Variants in MMP20 observed in about 807,000 individuals in gnomAD.
MMP20 encodes the protein matrix metalloproteinase-20.
MMP20 carries 50 observed loss-of-function variants against 51.8 expected under a neutral mutation model. That is an observed-to-expected ratio of 0.97 (90% confidence interval 0.77 to 1.22). MMP20 has a LOEUF of 1.22. MMP20 is among the 50% of genes most tolerant of loss of function. The pLI is 0.00. For missense variants in MMP20, 663 were observed against 601.4 expected, an observed-to-expected ratio of 1.10 and a Z score of -1.07; for synonymous variants, 244 against 216.2, an observed-to-expected ratio of 1.13 and a Z score of -1.13.
intron 5 of MMP20, among the ~76,000 whole-genome samples, chr11:102,608,643 C>T (rs572131382): frequency 6.6e-6 from 1 of 152,130 alleles, no homozygotes; most frequent in Non-Finnish European, 1.5e-5. Flanking sequence ...TATATCCATC[C>T]TCTCCCAATG....
At chr11:102,606,226 G>C (rs1337806935) in intron 6 of MMP20, among the ~76,000 whole-genome samples, 6 of 152,248 alleles carry the variant, frequency 3.9e-5, no homozygotes, top group Admixed American at 6.5e-5. Context: ...CTTGCTTGCT[G>C]TCTTTGAGCT....
At chr11:102,591,836 A>G (rs1859320860) in intron 8 of MMP20, among the ~76,000 whole-genome samples, 1 of 152,154 alleles carries the variant, frequency 6.6e-6, no homozygotes, top group Non-Finnish European at 1.5e-5. Flanking sequence ...CTCTGCCCAC[A>G]TCTCTTAACT....
chr11:102,602,548 A>G (rs1169585099), intron 6 of MMP20, among the ~76,000 whole-genome samples: 1 of 152,188 alleles, frequency 6.6e-6, no homozygotes, highest in Non-Finnish European at 1.5e-5. Context: ...ATGTTCATTC[A>G]GGTTAAATTT....
Position 102,619,542 on chromosome 11 carries a change from A to G in MMP20, c.127-2483T>C, listed in dbSNP as rs1489172974. Among the ~76,000 whole-genome samples, 3 of 150,914 alleles carry G rather than the reference A, an allele frequency of 2.0e-5. No homozygotes were observed. The Admixed American group carries it at 2.0e-4, about 10-fold the overall frequency. ...GGTTACCAAAAACTCCGTAATCAAG[A>G]TAAATCATAATTTAATGCAGAATTA... On this transcript the variant is annotated intron_variant, in intron 1 of 9. Coordinates refer to ENST00000260228, the MANE Select transcript of MMP20 (RefSeq NM_004771.4).
At chr11:102,606,435 A>T in intron 6 of MMP20, 100 bp downstream of exon 6, 1 of 1,486,258 alleles carries the variant, frequency 6.7e-7, no homozygotes, top group Non-Finnish European at 9.3e-7. Flanking sequence ...GCATTTCTGC[A>T]TGATCTTCAT....
chr11:102,617,014 C>T lies in MMP20; in HGVS notation c.172G>A (p.Gly58Ser), dbSNP rs553644151. The change falls in exon 2 of 10, where the codon GGT (glycine) becomes AGT (serine). Residue 58 changes from glycine to serine, a missense_variant. Transcript: ENST00000260228. ...TTGCTTCCTCTTGCAACCATCTCAC[C>T]AATCTGGTGTCCTTCTTTATTTGTG... ...YYTNKEGHQI[G>S]EMVARGSNSM... 1 of 1,614,150 alleles carries T rather than the reference C, an allele frequency of 6.2e-7. No homozygotes were observed. Among genetic ancestry groups the T allele is most frequent in the South Asian group, 1.1e-5 (1 of 91,084 alleles).
chr11:102,592,664 C>T (rs763273679), intron 8 of MMP20, among the ~76,000 whole-genome samples: 1 of 152,210 alleles, frequency 6.6e-6, no homozygotes, highest in Non-Finnish European at 1.5e-5. Context: ...AGCATTGTCA[C>T]CTGCTTAGAA....
At chr11:102,621,406 T>C (rs1859749418) in intron 1 of MMP20, among the ~76,000 whole-genome samples, 1 of 152,236 alleles carries the variant, frequency 6.6e-6, no homozygotes, top group African/African-American at 2.4e-5. Context: ...TCCTAGGTTC[T>C]AGTCCAGGCT....
intron 2 of MMP20, among the ~76,000 whole-genome samples, chr11:102,615,806 T>G (rs959007542): frequency 6.6e-6 from 1 of 152,238 alleles, no homozygotes; most frequent in African/African-American, 2.4e-5. Context: ...TCCTTACATG[T>G]GCAAGGCCTG....
intron 1 of MMP20, among the ~76,000 whole-genome samples, chr11:102,624,979 A>G (rs1027702585): frequency 6.6e-6 from 1 of 152,198 alleles, no homozygotes. Context: ...AGGTAGATAT[A>G]TCCTCATGTA....
At chr11:102,588,706 C>T (rs1388851054) in intron 8 of MMP20, among the ~76,000 whole-genome samples, 1 of 151,622 alleles carries the variant, frequency 6.6e-6, no homozygotes, top group Non-Finnish European at 1.5e-5. Flanking sequence ...TTTGTGGGGG[C>T]TTGAATTGCT....
intron 8 of MMP20, among the ~76,000 whole-genome samples, chr11:102,582,461 G>A (rs73580717): frequency 0.036 from 5,449 of 152,248 alleles, 283 homozygotes; most frequent in East Asian, 0.14. Flanking sequence ...CAATGAAATA[G>A]AAATCTGAAA....
intron 8 of MMP20, 110 bp downstream of exon 8, chr11:102,593,329 C>T: frequency 8.9e-7 from 1 of 1,126,688 alleles, no homozygotes; most frequent in South Asian, 1.4e-5. Context: ...CGAGAAGAGT[C>T]AACGGGCCTA....
intron 1 of MMP20, among the ~76,000 whole-genome samples, chr11:102,617,925 A>C (rs1473073877): frequency 1.3e-5 from 2 of 152,202 alleles, no homozygotes; most frequent in African/African-American, 4.8e-5. Context: ...CTAAGGGTTC[A>C]GTCCTCCTTT....
chr11:102,579,388 C>A (rs918682074), intron 8 of MMP20, among the ~76,000 whole-genome samples: 2 of 151,928 alleles, frequency 1.3e-5, no homozygotes, highest in Non-Finnish European at 1.5e-5. Context: ...TCATGGCTCA[C>A]CACTGCCTTG....
At chr11:102,602,787 T>A (rs375407581) in intron 6 of MMP20, among the ~76,000 whole-genome samples, 143 of 152,310 alleles carry the variant, frequency 9.4e-4, no homozygotes, top group African/African-American at 3.3e-3. Flanking sequence ...TATAGATGAT[T>A]GTGTGTGATA....
intron 8 of MMP20, among the ~76,000 whole-genome samples, chr11:102,582,773 A>C (rs958849883): frequency 1.3e-5 from 2 of 152,224 alleles, no homozygotes; most frequent in African/African-American, 4.8e-5. Context: ...TTACTTAAAA[A>C]TGGGGAAAAC....
chr11:102,603,743 G>A (rs114664913), intron 6 of MMP20, among the ~76,000 whole-genome samples: 4,365 of 152,270 alleles, frequency 0.029, 204 homozygotes, highest in African/African-American at 0.098. Flanking sequence ...GCTCGTTCTA[G>A]TTCTTTGGAA....
chr11:102,581,163 T>C (rs1410287042), intron 8 of MMP20, among the ~76,000 whole-genome samples: 1 of 142,336 alleles, frequency 7.0e-6, no homozygotes, highest in East Asian at 2.0e-4. Flanking sequence ...CACACACACA[T>C]GCACACGCAC....
Sources: allele counts gnomAD v4.1 joint callset (sites outside exome capture counted in the v4.1 genomes callset), GRCh38; gene constraint gnomAD v4.1.1; transcripts MANE v1.5; gene names NCBI Gene and HGNC (gene_info 2026-07-23, HGNC 2026-07-21).